Variants in SYNE2 observed in about 807,000 individuals in gnomAD.
SYNE2 encodes nesprin-2.
Under a neutral mutation model 856.3 loss-of-function variants are expected in SYNE2, and 431 were observed. That is an observed-to-expected ratio of 0.50 (90% CI 0.47 to 0.55). The LOEUF (loss-of-function observed/expected upper bound fraction) is 0.55, where lower values mean the gene tolerates loss of function less well. Among genes scored for constraint, SYNE2 ranks in the 20% least tolerant of loss-of-function variants. SYNE2 has a pLI of 0.00. For missense variants in SYNE2, 8,129 were observed against 8,023.2 expected, an observed-to-expected ratio of 1.01 and a Z score of -0.50; for synonymous variants, 2,923 against 2,872.3, an observed-to-expected ratio of 1.02 and a Z score of -0.56.
intron 1 of SYNE2, among the ~76,000 whole-genome samples, chr14:63,812,214 C>T (rs1328625909): frequency 1.3e-5 from 2 of 152,026 alleles, no homozygotes; most frequent in African/African-American, 2.4e-5. Context: ...GCATTCCTTT[C>T]CCAGGGTCTT....
At chr14:63,845,644 T>C (rs1890202571) in intron 1 of SYNE2, among the ~76,000 whole-genome samples, 1 of 152,066 alleles carries the variant, frequency 6.6e-6, no homozygotes, top group South Asian at 2.1e-4. Context: ...TATTTTACTT[T>C]CGCTTTTCTT....
At chr14:64,012,781 C>G (rs1206224955) in intron 32 of SYNE2, among the ~76,000 whole-genome samples, 2 of 152,084 alleles carry the variant, frequency 1.3e-5, no homozygotes, top group Non-Finnish European at 2.9e-5. Context: ...AAAAAACTGT[C>G]TAAAAAAGCA....
At chr14:63,840,497 CTCCT>C (rs1256466261) in intron 1 of SYNE2, among the ~76,000 whole-genome samples, 4 of 135,990 alleles carry the variant, frequency 2.9e-5, no homozygotes, top group Non-Finnish European at 4.7e-5. Flanking sequence ...CCCTTCCCTC[CTCCT>C]TCCTTCCTTC....
At chr14:64,076,809 A>T (rs1203388892) in intron 54 of SYNE2, among the ~76,000 whole-genome samples, 1 of 151,144 alleles carries the variant, frequency 6.6e-6, no homozygotes, top group East Asian at 1.9e-4. Context: ...AACACAAAAA[A>T]TTCAGATTTC....
intron 1 of SYNE2, among the ~76,000 whole-genome samples, chr14:63,840,864 T>A (rs998283625): frequency 6.6e-6 from 1 of 151,420 alleles, no homozygotes; most frequent in Non-Finnish European, 1.5e-5. Context: ...AAGACAAAAA[T>A]TAGGCCGGGT....
Position 64,220,609 on chromosome 14 carries a change from G to T in SYNE2, c.20033G>T (p.Gly6678Val), listed in dbSNP as rs140676416. 1.9e-6 allele frequency: 3 copies of T among 1,613,930 alleles called. No individual in the cohort carries two copies. Among genetic ancestry groups the T allele is most frequent in the Non-Finnish European group, 2.5e-6 (3 of 1,180,038 alleles). Reference protein sequence around the residue: ...AQGAVDSWRGGLRQSLMQCQD... With the variant: ...AQGAVDSWRGVLRQSLMQCQD... ...GGCGCAGTGGACAGCTGGAGAGGGG[G>T]CTTACGACAGTCGCTCATGCAGTGC... is the stretch of plus-strand genomic sequence containing the variant. The change falls in exon 111 of 116, where the codon GGC becomes GTC. Residue 6678 changes from glycine (G) to valine (V), a missense_variant. Gly to Val is a moderately radical substitution (Grantham distance 109). Around this residue, in one of 3 missense-constraint regions of SYNE2, gnomAD observed 5,410 missense variants for 5,284.8 expected, o/e 1.02. Transcript: ENST00000555002.
At chr14:64,209,350 G>T in intron 101 of SYNE2, 78 bp from the exon 102 acceptor site, 6 of 1,610,522 alleles carry the variant, frequency 3.7e-6, no homozygotes, top group Non-Finnish European at 5.1e-6. Flanking sequence ...AAACCGTGCG[G>T]GTGTCAGGGG....
intron 105 of SYNE2, 61 bp from the exon 106 acceptor site, chr14:64,214,133 C>G (rs1246787652): frequency 4.3e-6 from 7 of 1,613,328 alleles, no homozygotes; most frequent in Non-Finnish European, 5.9e-6. Context: ...ACTTCTCATG[C>G]TCTTCTAATT....
At chr14:64,064,032 C>T (rs2097338464) in intron 50 of SYNE2, among the ~76,000 whole-genome samples, 1 of 152,146 alleles carries the variant, frequency 6.6e-6, no homozygotes. Flanking sequence ...TGAATGTGGT[C>T]TCTTTCTCTC....
intron 102 of SYNE2, 159 bp from the exon 103 acceptor site, chr14:64,209,783 C>A: frequency 8.6e-7 from 1 of 1,164,676 alleles, no homozygotes; most frequent in Non-Finnish European, 1.2e-6. Flanking sequence ...ACTTGAAAGC[C>A]TGTTCTGTAG....
intron 31 of SYNE2, among the ~76,000 whole-genome samples, chr14:64,008,809 G>A (rs952200132): frequency 3.3e-5 from 5 of 152,166 alleles, no homozygotes; most frequent in Non-Finnish European, 7.4e-5. Context: ...TTCCGCATGT[G>A]GTTCTGACAC....
At chr14:64,180,973 A>G (rs1052182298) in intron 96 of SYNE2, among the ~76,000 whole-genome samples, 6 of 152,176 alleles carry the variant, frequency 3.9e-5, no homozygotes, top group African/African-American at 1.4e-4. Flanking sequence ...TTTATGTTTA[A>G]CCATCTTGTT....
intron 6 of SYNE2, among the ~76,000 whole-genome samples, 163 bp from the exon 7 acceptor site, chr14:63,949,662 T>C (rs2096119610): frequency 6.6e-6 from 1 of 152,184 alleles, no homozygotes; most frequent in Non-Finnish European, 1.5e-5. Context: ...GCAGCCCCCA[T>C]GGCAGATGCT....
chr14:64,205,393 G>A (rs1406437571), intron 100 of SYNE2, among the ~76,000 whole-genome samples: 1 of 152,072 alleles, frequency 6.6e-6, no homozygotes, highest in African/African-American at 2.4e-5. Flanking sequence ...TTATGTATGG[G>A]CCACTTTTTA....
At chr14:64,213,054 C>T (rs766251788) in intron 105 of SYNE2, 49 bp downstream of exon 105, 25 of 1,598,556 alleles carry the variant, frequency 1.6e-5, no homozygotes, top group South Asian at 4.4e-5. Context: ...TCAGAGTTTA[C>T]GTGAGACCAA....
intron 1 of SYNE2, among the ~76,000 whole-genome samples, chr14:63,890,459 A>G (rs2095105833): frequency 6.6e-6 from 1 of 152,092 alleles, no homozygotes; most frequent in South Asian, 2.1e-4. Flanking sequence ...GTTTGTTGTA[A>G]TGTTTTTAGG....
chr14:64,047,248 C>G (rs915958963), intron 45 of SYNE2, among the ~76,000 whole-genome samples: 4 of 152,150 alleles, frequency 2.6e-5, no homozygotes, highest in Admixed American at 2.6e-4. Flanking sequence ...CCTCCTCTAC[C>G]GACTGAGTCT....
At chr14:63,970,595 C>T (rs2096460713) in intron 11 of SYNE2, among the ~76,000 whole-genome samples, 1 of 149,616 alleles carries the variant, frequency 6.7e-6, no homozygotes, top group Admixed American at 6.7e-5. Flanking sequence ...TTTGTTTATT[C>T]TCTCTGCTTT....
In SYNE2 at chr14:64,016,480, T is replaced by C; in HGVS notation, c.4736T>C (p.Ile1579Thr). 1 of 1,581,468 alleles carries C rather than the reference T, an allele frequency of 6.3e-7. No individual in the cohort carries two copies. Among genetic ancestry groups the C allele is most frequent in the Non-Finnish European group, 8.6e-7 (1 of 1,159,998 alleles). Residue 1579 changes from isoleucine (I) to threonine (T), a missense_variant, in exon 33 of 116, where the codon ATT becomes ACT. Physicochemically the swap from Ile to Thr is moderately conservative, Grantham distance 89. This residue lies in a region of SYNE2 where 2,422 missense variants were observed against 2,357.4 expected (regional missense o/e 1.03). Transcript: ENST00000555002. ...NLKKRIAEIE[I>T]VKEEFNEHLE... ...TTCATATCTTTTTTACAGATTGAAATTGTCAAAGAAGAATTTAATGAGCAT... is the reference window on the plus strand; with the variant it reads ...TTCATATCTTTTTTACAGATTGAAACTGTCAAAGAAGAATTTAATGAGCAT...
Sources: gnomAD v4.1 joint callset for allele counts (sites outside exome capture counted in the v4.1 genomes callset) on GRCh38, gnomAD v4.1.1 for gene constraint, gnomAD v4.1.1 regional missense constraint, MANE v1.5 for transcripts, NCBI Gene and HGNC (gene_info 2026-07-23, HGNC 2026-07-21) for gene names.